Variants in CCDC3 observed in about 807,000 individuals in gnomAD.
The protein encoded by CCDC3 is coiled-coil domain containing 3.
Under a neutral mutation model 21.4 loss-of-function variants are expected in CCDC3, and 24 were observed. The ratio of observed to expected loss-of-function variants is 1.12; its 90% CI spans 0.81 to 1.58. The LOEUF (loss-of-function observed/expected upper bound fraction) is 1.58, where lower values mean the gene tolerates loss of function less well. CCDC3 is among the 40% of genes most tolerant of loss of function. The pLI is 0.00. For synonymous variants in CCDC3, 186 were observed against 166.0 expected, an observed-to-expected ratio of 1.12 and a Z score of -0.93; for missense variants, 425 against 360.9, an observed-to-expected ratio of 1.18 and a Z score of -1.44.
intron 4 of CCDC3, among the ~76,000 whole-genome samples, chr10:13,065,888 T>A (rs1443993568): frequency 1.3e-5 from 2 of 152,230 alleles, no homozygotes; most frequent in African/African-American, 4.8e-5. Context: ...CATCACCATG[T>A]ACAATGATAG....
At chr10:13,054,422 A>C (rs1251659094) in intron 4 of CCDC3, among the ~76,000 whole-genome samples, 6 of 151,158 alleles carry the variant, frequency 4.0e-5, no homozygotes, top group Admixed American at 4.0e-4. Context: ...TTTGTCCCCC[A>C]CTCAGTAGCA....
At position 12,958,605 on chromosome 10, in the gene CCDC3, C is replaced by T. The variant is rs1835130287; in HGVS notation, c.549+39733G>A. ...CTTGACTCAATTGTAGGGGCAGAAA[C>T]TCAGCTCAAAACTTCCATAGAGAAA... On this transcript the variant is annotated intron_variant, in intron 2 of 2. Coordinates refer to ENST00000378825, the MANE Select transcript of CCDC3 (RefSeq NM_031455.4). Among the ~76,000 whole-genome samples the T allele has an allele frequency of 2.0e-5, 3 of 152,306 alleles. No individual in the cohort carries two copies. The South Asian group carries it at 6.2e-4, about 32-fold the overall frequency.
chr10:13,026,747 A>T (rs1193470345), intron 5 of CCDC3, among the ~76,000 whole-genome samples: 1 of 152,170 alleles, frequency 6.6e-6, no homozygotes, highest in Admixed American at 6.5e-5. Flanking sequence ...CTCCCTAGAG[A>T]TTCTCAGTTT....
intron 2 of CCDC3, among the ~76,000 whole-genome samples, chr10:12,923,495 G>C (rs281853): frequency 0.97 from 147,027 of 152,218 alleles, 71,231 homozygotes; most frequent in East Asian, 1. Flanking sequence ...CACAAAGCCA[G>C]TCCTGGGTCC....
chr10:13,084,889 C>A (rs1837084216), intron 3 of CCDC3, among the ~76,000 whole-genome samples: 1 of 152,162 alleles, frequency 6.6e-6, no homozygotes, highest in South Asian at 2.1e-4. Flanking sequence ...CTGGAAAATG[C>A]TAGAGCACCC....
At chr10:12,916,467 G>C (rs1273933511) in intron 2 of CCDC3, among the ~76,000 whole-genome samples, 2 of 151,280 alleles carry the variant, frequency 1.3e-5, no homozygotes, top group Non-Finnish European at 2.9e-5. Context: ...GGGGCCACGG[G>C]TGCCAACCTG....
chr10:13,025,415 T>C (rs1212944095), intron 5 of CCDC3, among the ~76,000 whole-genome samples: 3 of 152,184 alleles, frequency 2.0e-5, no homozygotes, highest in Non-Finnish European at 4.4e-5. Flanking sequence ...AACACAGAAT[T>C]AACATATGAG....
chr10:12,974,280 G>C (rs1474016505), intron 2 of CCDC3, among the ~76,000 whole-genome samples: 2 of 152,204 alleles, frequency 1.3e-5, no homozygotes, highest in African/African-American at 4.8e-5. Flanking sequence ...ATCTAGGAGG[G>C]GGCCGCTTTC....
chr10:12,900,702 A>AC (rs1378072437), intron 2 of CCDC3, among the ~76,000 whole-genome samples: 1 of 150,420 alleles, frequency 6.6e-6, no homozygotes, highest in Non-Finnish European at 1.5e-5. Context: ...AAAAAAAAAA[A>AC]AAAAAAACAA....
intron 4 of CCDC3, among the ~76,000 whole-genome samples, chr10:13,053,106 A>T (rs1836634127): frequency 6.6e-6 from 1 of 152,082 alleles, no homozygotes; most frequent in Non-Finnish European, 1.5e-5. Context: ...AGGAAAAAGG[A>T]TTTTTCCTCT....
intron 2 of CCDC3, among the ~76,000 whole-genome samples, chr10:12,928,887 G>C (rs536198192): frequency 6.6e-6 from 1 of 152,278 alleles, no homozygotes; most frequent in South Asian, 2.1e-4. Flanking sequence ...CACATACCCA[G>C]GGGAGGAAAG....
intron 3 of CCDC3, among the ~76,000 whole-genome samples, chr10:13,076,617 A>C (rs141675788): frequency 8.4e-4 from 128 of 152,362 alleles, no homozygotes; most frequent in African/African-American, 2.9e-3. Context: ...GTAGTTATTA[A>C]ACATGCTCAC....
chr10:13,004,304 TCCA>T (rs1381900148), upstream of CCDC3, among the ~76,000 whole-genome samples: 1 of 152,210 alleles, frequency 6.6e-6, no homozygotes, highest in African/African-American at 2.4e-5. Flanking sequence ...TCAAAATTTG[TCCA>T]GTTGCTTCCA....
upstream of CCDC3, among the ~76,000 whole-genome samples, chr10:13,004,669 C>T (rs988200404): frequency 2.0e-5 from 3 of 150,256 alleles, no homozygotes; most frequent in African/African-American, 7.4e-5. Context: ...CCATGTTGGC[C>T]TCTATTGTTG....
At chr10:12,972,744 G>A (rs1835361545) in intron 2 of CCDC3, among the ~76,000 whole-genome samples, 1 of 151,116 alleles carries the variant, frequency 6.6e-6, no homozygotes, top group Non-Finnish European at 1.5e-5. Flanking sequence ...TTGAACCCGG[G>A]AGGCAGAGGT....
At chr10:12,975,112 G>C (rs1357289302) in intron 2 of CCDC3, among the ~76,000 whole-genome samples, 1 of 152,204 alleles carries the variant, frequency 6.6e-6, no homozygotes, top group African/African-American at 2.4e-5. Context: ...ACTAGGTAGG[G>C]TTTTCTGGCT....
At chr10:12,939,518 GAGGC>G (rs1834786785) in intron 2 of CCDC3, among the ~76,000 whole-genome samples, 1 of 152,176 alleles carries the variant, frequency 6.6e-6, no homozygotes, top group Non-Finnish European at 1.5e-5. Flanking sequence ...AGCTACTTGG[GAGGC>G]TGAGGGGGGA....
intron 1 of CCDC3, among the ~76,000 whole-genome samples, chr10:13,000,902 T>C (rs1835839134): frequency 6.6e-6 from 1 of 152,180 alleles, no homozygotes; most frequent in African/African-American, 2.4e-5. Context: ...AAAACCCAAG[T>C]CAAAGGGACT....
rs116856516 is a variant in CCDC3 at position 12,898,432 on chromosome 10, G to A, written c.797C>T (p.Pro266Leu). 8.1e-6 allele frequency: 13 copies of A among 1,603,304 alleles called. No individual in the cohort carries two copies. Among genetic ancestry groups the A allele is most frequent in the Middle Eastern group, 1.9e-4 (1 of 5,322 alleles). ...HINARGPVRP[P>L]YLRG is the part of the protein sequence containing the mutation. The stretch of plus-strand genomic sequence containing the variant: ...CCAGGCCCGTTACCCCCGCAGGTAG[G>A]GGGGGCGCACGGGCCCCCGGGCATT... The change falls in exon 3 of 3, where the codon CCC becomes CTC. Residue 266 changes from proline to leucine, a missense_variant. Pro to Leu is a moderately conservative substitution (Grantham distance 98). Coordinates refer to ENST00000378825, the MANE Select transcript of CCDC3 (RefSeq NM_031455.4).
Sources: allele counts gnomAD v4.1 joint callset (sites outside exome capture counted in the v4.1 genomes callset), GRCh38; gene constraint gnomAD v4.1.1; transcripts MANE v1.5; gene names NCBI Gene and HGNC (gene_info 2026-07-23, HGNC 2026-07-21).